Variants in SCFD1 observed in about 807,000 individuals in gnomAD.
The protein encoded by SCFD1 is sec1 family domain-containing protein 1.
A neutral mutation model predicts 103.2 loss-of-function variants in SCFD1; 37 were observed. That is an observed-to-expected ratio of 0.36 (90% CI 0.28 to 0.47). SCFD1 has a LOEUF of 0.47. Among genes scored for constraint, SCFD1 ranks in the 20% least tolerant of loss-of-function variants. The pLI is 1.00. For synonymous variants in SCFD1, 264 were observed against 245.0 expected, an observed-to-expected ratio of 1.08 and a Z score of -0.73; for missense variants, 639 against 761.2, an observed-to-expected ratio of 0.84 and a Z score of 1.89.
intron 10 of SCFD1, among the ~76,000 whole-genome samples, chr14:30,662,821 C>G (rs566734283): frequency 1.3e-5 from 2 of 152,254 alleles, no homozygotes; most frequent in South Asian, 2.1e-4. Flanking sequence ...GAAAAGAAAA[C>G]AAGACTGCTG....
intron 19 of SCFD1, among the ~76,000 whole-genome samples, chr14:30,712,383 CA>C (rs925943329): frequency 1.3e-5 from 2 of 152,098 alleles, no homozygotes; most frequent in African/African-American, 4.8e-5. Context: ...GGAAAAGTTA[CA>C]AATAGTCACC....
intron 10 of SCFD1, among the ~76,000 whole-genome samples, chr14:30,664,908 A>G (rs947162530): frequency 2.6e-5 from 4 of 152,198 alleles, no homozygotes; most frequent in African/African-American, 9.7e-5. Flanking sequence ...AAAAGACCAA[A>G]TCTGCGTTTG....
chr14:30,700,372 C>A (rs1427694125), intron 16 of SCFD1, 114 bp downstream of exon 16: 4 of 776,836 alleles, frequency 5.1e-6, no homozygotes, highest in South Asian at 5.0e-5. Flanking sequence ...TGCTTCATTT[C>A]TTTCTTTAAA....
Position 30,672,028 on chromosome 14 carries a change from AG to A in SCFD1, c.996-1228del, listed in dbSNP as rs369807970. On this transcript the variant is annotated intron_variant, in intron 11 of 24. Transcript: ENST00000458591. ...AAACTCCATCTTAAAAAAAAAAAAAAGAAAGAAAAGATAAATTCTTAGCATG... is the reference window on the plus strand; with the variant it reads ...AAACTCCATCTTAAAAAAAAAAAAAAAAAGAAAAGATAAATTCTTAGCATG... Among the ~76,000 whole-genome samples the A allele has an allele frequency of 7.0e-4, 104 of 149,280 alleles. 2 individuals are homozygous for A. The highest frequency in any genetic ancestry group is 8.9e-4 in the African/African-American group (36 of 40,570).
intron 9 of SCFD1, among the ~76,000 whole-genome samples, chr14:30,651,336 T>C (rs1417228786): frequency 6.6e-6 from 1 of 152,108 alleles, no homozygotes; most frequent in Non-Finnish European, 1.5e-5. Context: ...GAAGTAATAA[T>C]TTCATAATAA....
chr14:30,669,847 T>G (rs1329880196), intron 10 of SCFD1: 1 of 154,170 alleles, frequency 6.5e-6, no homozygotes, highest in Non-Finnish European at 1.4e-5. Context: ...ATTGGACTAC[T>G]GTGTAGTTAT....
At chr14:30,714,594 A>G (rs1281940993) in intron 19 of SCFD1, among the ~76,000 whole-genome samples, 1 of 152,226 alleles carries the variant, frequency 6.6e-6, no homozygotes, top group South Asian at 2.1e-4. Context: ...GTGACAGTCC[A>G]TTTTAATAAC....
intron 23 of SCFD1, among the ~76,000 whole-genome samples, chr14:30,729,895 C>T (rs1029351808): frequency 7.3e-5 from 11 of 151,176 alleles, no homozygotes; most frequent in Non-Finnish European, 1.3e-4. Context: ...TTCTAGGGTG[C>T]GTGTGCACAA....
intron 10 of SCFD1, chr14:30,669,985 G>T: frequency 3.5e-6 from 1 of 288,534 alleles, no homozygotes; most frequent in South Asian, 4.7e-5. Flanking sequence ...GGATGTGTAT[G>T]TGCTATTATA....
chr14:30,701,597 A>C (rs1369363234), intron 16 of SCFD1, among the ~76,000 whole-genome samples: 3 of 152,126 alleles, frequency 2.0e-5, no homozygotes, highest in Non-Finnish European at 4.4e-5. Context: ...TTACCTATAT[A>C]TCTCAGGGTA....
chr14:30,727,183 A>G (rs978219251), intron 23 of SCFD1, among the ~76,000 whole-genome samples: 2 of 152,224 alleles, frequency 1.3e-5, no homozygotes, highest in Non-Finnish European at 2.9e-5. Flanking sequence ...AACAAGGTAC[A>G]TAGGCATTAG....
In SCFD1 at chr14:30,719,336, CTA is replaced by C. The variant is rs1390420640; in HGVS notation, c.1698_1699del (p.Tyr566Ter). 1 of 1,601,462 alleles carries C rather than the reference CTA, an allele frequency of 6.2e-7. No homozygotes were observed. Among genetic ancestry groups the C allele is most frequent in the Admixed American group, 1.7e-5 (1 of 58,192 alleles). On this transcript the variant is annotated frameshift_variant, in exon 21 of 25. Transcript: ENST00000458591. LOFTEE classifies it high-confidence loss of function. ...EMKSNPETDD[Y>X]RYFDPKMLRG... ...ATTTTTTTTAATAGGAAACTGATGA[CTA>C]TAGATATTTTGATCCCAAAATGCTG... is the stretch of plus-strand genomic sequence containing the variant.
intron 20 of SCFD1, among the ~76,000 whole-genome samples, chr14:30,716,608 G>A (rs1176982821): frequency 2.0e-5 from 3 of 152,180 alleles, no homozygotes; most frequent in Non-Finnish European, 2.9e-5. Flanking sequence ...ATTACCACAA[G>A]AATCTGGAAT....
intron 20 of SCFD1, among the ~76,000 whole-genome samples, chr14:30,716,297 G>A (rs1892274620): frequency 1.3e-5 from 2 of 152,202 alleles, no homozygotes; most frequent in Non-Finnish European, 2.9e-5. Flanking sequence ...GTGAGCATCT[G>A]TTGATATAGT....
At chr14:30,625,343 A>G (rs1202960859) in intron 1 of SCFD1, among the ~76,000 whole-genome samples, 2 of 152,286 alleles carry the variant, frequency 1.3e-5, no homozygotes, top group Non-Finnish European at 2.9e-5. Flanking sequence ...GAATATTTGC[A>G]TTATTACTGG....
intron 7 of SCFD1, among the ~76,000 whole-genome samples, chr14:30,648,220 TACAA>T (rs140583060): frequency 0.01 from 1,581 of 152,334 alleles, 13 homozygotes; most frequent in Non-Finnish European, 0.016. Context: ...AATTTTTTAT[TACAA>T]ACATTTATAA....
At chr14:30,652,116 C>A (rs229209) in intron 9 of SCFD1, among the ~76,000 whole-genome samples, 74,557 of 151,958 alleles carry the variant, frequency 0.49, 21,171 homozygotes, top group African/African-American at 0.78. Flanking sequence ...TTTTTATCCC[C>A]GAGTCAATGC....
intron 16 of SCFD1, among the ~76,000 whole-genome samples, chr14:30,701,204 C>A (rs1891054728): frequency 6.6e-6 from 1 of 152,138 alleles, no homozygotes; most frequent in African/African-American, 2.4e-5. Context: ...ATTAAGACAG[C>A]AAAACTAAAC....
chr14:30,702,381 T>A lies in SCFD1; in HGVS notation c.1490+6T>A. On this transcript the variant is annotated splice_donor_region_variant and intron_variant, in intron 17 of 24. Transcript: ENST00000458591. ...CAATATATCAAACAGTGGAAGTAAG[T>A]TTTATTTTCTTCTTTAATTCCTGTC... 6.6e-7 allele frequency: 1 copy of A among 1,517,802 alleles called. No homozygotes were observed. The highest frequency in any genetic ancestry group is 9.0e-7 in the Non-Finnish European group (1 of 1,112,618). 94.0% of individuals were successfully genotyped at this position (1,517,802 alleles called of 1,614,324 possible). A position where few individuals can be genotyped will look rare whatever the true frequency, so the allele number is the denominator to read the frequency against.
Sources: allele counts gnomAD v4.1 joint callset (sites outside exome capture counted in the v4.1 genomes callset), GRCh38; gene constraint gnomAD v4.1.1; transcripts MANE v1.5; gene names NCBI Gene and HGNC (gene_info 2026-07-23, HGNC 2026-07-21).